Variants in TTC28 observed in about 807,000 individuals in gnomAD.
TTC28 encodes the protein tetratricopeptide repeat domain 28.
TTC28 carries 61 observed loss-of-function variants against 198.0 expected under a neutral mutation model. That is an observed-to-expected ratio of 0.31 (90% CI 0.25 to 0.38). The LOEUF is 0.38. Ranked by LOEUF, TTC28 falls within the 10% of genes least tolerant of loss-of-function variation. The probability of loss-of-function intolerance (pLI) is 1.00; values close to 1 mark genes in which losing one functional copy is unlikely to be tolerated. For missense variants in TTC28, 2,678 were observed against 3,164.0 expected (o/e 0.85, Z 3.69); for synonymous variants, 1,171 against 1,297.8 (o/e 0.90, Z 2.10).
Position 28,034,483 on chromosome 22 carries a change from A to G in TTC28, c.3933-4117T>C, listed in dbSNP as rs114859063. On this transcript the variant is annotated intron_variant, in intron 12 of 22. Coordinates refer to ENST00000397906, the MANE Select transcript of TTC28 (RefSeq NM_001145418.2). ...TTCCCTCGTGGCTCTCTGGACCTGA[A>G]GATTCTGGCTCAGACATCCTTCATG... 9.4e-3 allele frequency among the ~76,000 whole-genome samples: 1,436 copies of G among 152,252 alleles called. 25 individuals carry two copies. The highest frequency in any genetic ancestry group is 0.032 in the African/African-American group (1,336 of 41,532).
At chr22:28,170,980 C>CT (rs76585422) in intron 5 of TTC28, among the ~76,000 whole-genome samples, 3,400 of 132,700 alleles carry the variant, frequency 0.026, 48 homozygotes, top group East Asian at 0.06. Context: ...GCCACTCATT[C>CT]TTTTTTTTTT....
chr22:27,983,185 T>G lies in TTC28; in HGVS notation c.6482A>C (p.Glu2161Ala), dbSNP rs1458305797. The G allele has an allele frequency of 1.3e-6, 2 of 1,551,808 alleles. No homozygotes were observed. The highest frequency in any genetic ancestry group is 2.7e-5 in the African/African-American group (2 of 73,166). The change falls in exon 23 of 23, where the codon GAG becomes GCG. Residue 2161 changes from glutamate to alanine, a missense_variant. Glu to Ala is a moderately radical substitution (Grantham distance 107). Coordinates refer to ENST00000397906, the MANE Select transcript of TTC28 (RefSeq NM_001145418.2). ...CTCCTCCAGAATTTTCTGGGCTAAC[T>G]CTTGTGGATCCAGTTTTGGGTTGCT... The part of the protein sequence containing the change: ...EESNPKLDPQ[E>A]LAQKILEETQ...
chr22:28,337,121 T>G (rs975206911), intron 2 of TTC28, among the ~76,000 whole-genome samples: 11 of 152,178 alleles, frequency 7.2e-5, no homozygotes, highest in African/African-American at 2.7e-4. Context: ...CAGGAGCAGG[T>G]TGTTCAGTTT....
At chr22:28,466,562 CA>C (rs1427250922) in intron 2 of TTC28, among the ~76,000 whole-genome samples, 1 of 152,100 alleles carries the variant, frequency 6.6e-6, no homozygotes, top group Non-Finnish European at 1.5e-5. Flanking sequence ...CTAAGACTAG[CA>C]AAGAGCAGCA....
At chr22:28,486,088 T>A (rs1274868655) in intron 2 of TTC28, among the ~76,000 whole-genome samples, 1 of 152,114 alleles carries the variant, frequency 6.6e-6, no homozygotes, top group Non-Finnish European at 1.5e-5. Flanking sequence ...TACATCATTT[T>A]AAAAAGGGCA....
chr22:27,993,270 C>T lies in TTC28; in HGVS notation c.5476+17G>A, dbSNP rs5752679. The T allele has an allele frequency of 0.05, 75,442 of 1,509,094 alleles. 2,546 individuals carry two copies. The highest frequency in any genetic ancestry group is 0.14 in the East Asian group (5,824 of 40,566). The allele number at this position is 1,509,094 out of a possible 1,614,324, so 93.5% of individuals were successfully genotyped here. A position where few individuals can be genotyped will look rare whatever the true frequency, so the allele number is the denominator to read the frequency against. ...GTCAGCCAGGCCTGTTGCCCCAGCC[C>T]TACACCCACAGCTCACCCAGCAGGG... On this transcript the variant is annotated intron_variant, in intron 18 of 22. Coordinates refer to ENST00000397906, the MANE Select transcript of TTC28 (RefSeq NM_001145418.2).
At chr22:28,234,202 G>A (rs184246729) in intron 5 of TTC28, among the ~76,000 whole-genome samples, 1 of 151,232 alleles carries the variant, frequency 6.6e-6, no homozygotes, top group East Asian at 2.0e-4. Flanking sequence ...CACCGCACCT[G>A]GCCAAATTTT....
At chr22:28,300,338 T>TA (rs2044994247) in intron 3 of TTC28, among the ~76,000 whole-genome samples, 1 of 152,202 alleles carries the variant, frequency 6.6e-6, no homozygotes, top group African/African-American at 2.4e-5. Flanking sequence ...TGATATCTTT[T>TA]CCTATAGCAA....
At chr22:28,534,709 T>C (rs1601529182) in intron 2 of TTC28, among the ~76,000 whole-genome samples, 1 of 152,172 alleles carries the variant, frequency 6.6e-6, no homozygotes, top group Non-Finnish European at 1.5e-5. Flanking sequence ...GTGGCACATA[T>C]ACAGCATGGA....
intron 2 of TTC28, among the ~76,000 whole-genome samples, chr22:28,505,677 A>T (rs2048601851): frequency 6.6e-6 from 1 of 152,198 alleles, no homozygotes; most frequent in Non-Finnish European, 1.5e-5. Context: ...AGAGAAACCC[A>T]GAAGTTTTAC....
At chr22:28,525,892 T>C (rs1268495208) in intron 2 of TTC28, among the ~76,000 whole-genome samples, 1 of 152,104 alleles carries the variant, frequency 6.6e-6, no homozygotes, top group African/African-American at 2.4e-5. Flanking sequence ...TGGAAATAAA[T>C]CCATTTTAAC....
intron 1 of TTC28, among the ~76,000 whole-genome samples, chr22:28,632,633 G>T (rs2051196803): frequency 6.6e-6 from 1 of 151,886 alleles, no homozygotes; most frequent in Non-Finnish European, 1.5e-5. Flanking sequence ...TCATGGTTCT[G>T]CTTAAGGTCA....
intron 1 of TTC28, among the ~76,000 whole-genome samples, chr22:28,674,519 C>T (rs1477795225): frequency 2.0e-5 from 3 of 151,962 alleles, no homozygotes; most frequent in South Asian, 4.2e-4. Flanking sequence ...CCATAAGATG[C>T]GTAAGAGTTA....
At chr22:28,211,385 C>A (rs1926944440) in intron 5 of TTC28, among the ~76,000 whole-genome samples, 1 of 152,040 alleles carries the variant, frequency 6.6e-6, no homozygotes, top group Non-Finnish European at 1.5e-5. Flanking sequence ...ATTCAGGAGA[C>A]CCATCTCACA....
chr22:28,181,477 C>G (rs1314218853), intron 5 of TTC28, among the ~76,000 whole-genome samples: 1 of 152,156 alleles, frequency 6.6e-6, no homozygotes, highest in Non-Finnish European at 1.5e-5. Context: ...CAGAGGTATC[C>G]TGTTAGACAT....
At chr22:27,988,861 C>T (rs1184808381) in intron 21 of TTC28, among the ~76,000 whole-genome samples, 1 of 152,206 alleles carries the variant, frequency 6.6e-6, no homozygotes, top group Non-Finnish European at 1.5e-5. Flanking sequence ...TCTGCTTCTG[C>T]CTGCCATGGT....
chr22:28,092,491 C>A (rs973147674), intron 12 of TTC28, among the ~76,000 whole-genome samples: 1 of 152,182 alleles, frequency 6.6e-6, no homozygotes, highest in Admixed American at 6.5e-5. Flanking sequence ...AACCAAGATT[C>A]TCTCTCCCTT....
At chr22:28,510,634 T>C (rs968310789) in intron 2 of TTC28, among the ~76,000 whole-genome samples, 16 of 151,982 alleles carry the variant, frequency 1.1e-4, no homozygotes, top group Non-Finnish European at 1.8e-4. Context: ...CTCTCCAACA[T>C]AGTATTGGAA....
intron 2 of TTC28, among the ~76,000 whole-genome samples, chr22:28,387,784 T>C (rs1341297085): frequency 1.3e-5 from 2 of 152,100 alleles, no homozygotes. Flanking sequence ...TTTTCTCCCA[T>C]TTTGTAGGTT....
Sources: gnomAD v4.1 joint callset for allele counts (sites outside exome capture counted in the v4.1 genomes callset) on GRCh38, gnomAD v4.1.1 for gene constraint, MANE v1.5 for transcripts, NCBI Gene and HGNC (gene_info 2026-07-23, HGNC 2026-07-21) for gene names.